SLC38A6: variants seen among roughly 807,000 people sequenced by gnomAD.
SLC38A6 encodes the protein solute carrier family 38 member 6.
A neutral mutation model predicts 65.0 loss-of-function variants in SLC38A6; 73 were observed. That is an observed-to-expected ratio of 1.12 (90% CI 0.93 to 1.37). The LOEUF is 1.37. Among genes scored for constraint, SLC38A6 ranks in the 40% most tolerant of loss-of-function variants. The pLI, the probability that SLC38A6 is intolerant of heterozygous loss-of-function variation, is 0.00. For synonymous variants in SLC38A6, 183 were observed against 178.8 expected, an observed-to-expected ratio of 1.02 and a Z score of -0.19; for missense variants, 561 against 531.1, an observed-to-expected ratio of 1.06 and a Z score of -0.55.
At chr14:61,045,581 C>G (rs2042089549) in intron 11 of SLC38A6, among the ~76,000 whole-genome samples, 156 bp downstream of exon 11, 1 of 152,040 alleles carries the variant, frequency 6.6e-6, no homozygotes, top group Admixed American at 6.6e-5. Context: ...TAGTTCTGTC[C>G]AAGTTAAGAA....
At chr14:61,068,346 A>T (rs1412355209) in intron 15 of SLC38A6, among the ~76,000 whole-genome samples, 1 of 152,094 alleles carries the variant, frequency 6.6e-6, no homozygotes, top group East Asian at 1.9e-4. Context: ...TTATATTGCT[A>T]CCCTGATTAA....
At chr14:61,010,774 T>C (rs1199495591) in intron 3 of SLC38A6, among the ~76,000 whole-genome samples, 14 of 152,204 alleles carry the variant, frequency 9.2e-5, no homozygotes, top group Non-Finnish European at 5.9e-5. Context: ...CGTGCTGTTT[T>C]GGTTACTGTA....
At chr14:61,040,586 G>A (rs373333734) in intron 8 of SLC38A6, among the ~76,000 whole-genome samples, 9 of 152,034 alleles carry the variant, frequency 5.9e-5, no homozygotes, top group African/African-American at 2.2e-4. Flanking sequence ...TGATCCGCCC[G>A]CCTGGGCCTC....
chr14:61,034,593 C>T (rs1214985193), intron 6 of SLC38A6, among the ~76,000 whole-genome samples: 2 of 152,098 alleles, frequency 1.3e-5, no homozygotes, highest in African/African-American at 4.8e-5. Flanking sequence ...TTGCCAGCTT[C>T]AGAAATTTGG....
intron 6 of SLC38A6, among the ~76,000 whole-genome samples, chr14:61,033,037 T>C (rs1289322305): frequency 1.3e-5 from 2 of 151,972 alleles, no homozygotes; most frequent in Non-Finnish European, 2.9e-5. Context: ...TTTCATGATA[T>C]ATCTATATAT....
At chr14:61,074,122 CA>C (rs1341894131) in intron 15 of SLC38A6, among the ~76,000 whole-genome samples, 1 of 152,102 alleles carries the variant, frequency 6.6e-6, no homozygotes, top group Non-Finnish European at 1.5e-5. Context: ...GTGGGAGAGT[CA>C]AAAATTGTAC....
At chr14:61,053,003 C>T (rs1243522199), downstream of SLC38A6, 1 of 152,054 alleles carries the variant, frequency 6.6e-6, no homozygotes, top group Non-Finnish European at 1.5e-5. Context: ...ACCCAGTACT[C>T]ATTAGTTACG....
At chr14:61,034,083 A>T (rs1483956479) in intron 6 of SLC38A6, 1 of 152,144 alleles carries the variant, frequency 6.6e-6, no homozygotes, top group Non-Finnish European at 1.5e-5. Flanking sequence ...AACATTCCAT[A>T]ACTGTGATTC....
intron 15 of SLC38A6, among the ~76,000 whole-genome samples, chr14:61,064,723 C>T (rs1052874031): frequency 8.6e-5 from 13 of 151,220 alleles, no homozygotes; most frequent in Admixed American, 1.3e-4. Context: ...TGGGCCTTCT[C>T]ATTATGGGCT....
chr14:60,990,694 G>A (rs913292670), intron 3 of SLC38A6, among the ~76,000 whole-genome samples: 7 of 151,866 alleles, frequency 4.6e-5, no homozygotes, highest in East Asian at 1.9e-4. Context: ...ATGTAGTGGC[G>A]TGAACATAGC....
At chr14:61,010,257 C>T (rs1441154495) in intron 3 of SLC38A6, among the ~76,000 whole-genome samples, 1 of 152,010 alleles carries the variant, frequency 6.6e-6, no homozygotes, top group Non-Finnish European at 1.5e-5. Flanking sequence ...TGTTTGAGTT[C>T]ATTGTAGATT....
intron 6 of SLC38A6, among the ~76,000 whole-genome samples, chr14:61,034,455 A>G (rs2041214426): frequency 6.6e-6 from 1 of 152,146 alleles, no homozygotes; most frequent in Non-Finnish European, 1.5e-5. Context: ...TACGAGAGAC[A>G]GCAAAACTAA....
chr14:61,080,471 A>G (rs2043599289), intron 16 of SLC38A6, among the ~76,000 whole-genome samples: 1 of 152,148 alleles, frequency 6.6e-6, no homozygotes, highest in Non-Finnish European at 1.5e-5. Context: ...TATATCTTAC[A>G]CTGCCTGTAC....
Position 61,070,680 on chromosome 14 carries a change from T to G in SLC38A6, c.1291-8130T>G, listed in dbSNP as rs1422001878. On this transcript the variant is annotated intron_variant, in intron 15 of 16. Coordinates refer to the SLC38A6 transcript ENST00000354886. ...CACTATTTTATGTTTCTATCAGCAG[T>G]GCACGAGGGTTCCAATTTCTCCATA... 2.0e-5 allele frequency among the ~76,000 whole-genome samples: 3 copies of G among 152,218 alleles called. No homozygotes were observed. The East Asian group carries it at 5.8e-4, about 29-fold the overall frequency.
chr14:61,052,201 AT>A, intron 15 of SLC38A6, 66 bp downstream of exon 15: 2 of 1,377,856 alleles, frequency 1.5e-6, no homozygotes, highest in Non-Finnish European at 9.8e-7. Flanking sequence ...AGTTTATATT[AT>A]TTTACCTGCA....
At chr14:61,022,773 C>T (rs969770833) in intron 5 of SLC38A6, among the ~76,000 whole-genome samples, 14 of 151,976 alleles carry the variant, frequency 9.2e-5, no homozygotes, top group Non-Finnish European at 1.9e-4. Context: ...AGGTCAAGCA[C>T]TCTACTAGAT....
In SLC38A6 at chr14:61,052,181, A is replaced by G. The variant is rs370243721; in HGVS notation, c.1290+46A>G. On this transcript the variant is annotated intron_variant, in intron 15 of 15. Transcript: ENST00000267488. ...TCTTTCAAGACTTCTATTTTAAGAA[A>G]TAGTTTGTCAGTTTATATTATTTTA... 1,209 of 1,452,414 alleles carry G rather than the reference A, an allele frequency of 8.3e-4. 8 individuals carry two copies. The highest frequency in any genetic ancestry group is 6.6e-3 in the South Asian group (485 of 73,950). 90.0% of individuals were successfully genotyped at this position (1,452,414 alleles called of 1,614,324 possible). A position where few individuals can be genotyped will look rare whatever the true frequency, so the allele number is the denominator to read the frequency against.
intron 1 of SLC38A6, among the ~76,000 whole-genome samples, chr14:60,982,013 A>C (rs139066812): frequency 1.0e-3 from 154 of 152,288 alleles, no homozygotes; most frequent in Non-Finnish European, 1.6e-3. Flanking sequence ...TCTGTTTATA[A>C]TATTGTCATT....
exon 17 of SLC38A6, chr14:61,083,597 C>T (rs8016782): frequency 0.03 from 46,578 of 1,550,446 alleles, 943 homozygotes; most frequent in South Asian, 0.07. Context: ...AAAGGCCACG[C>T]AAGGACACAG....
Sources: gnomAD v4.1 joint callset for allele counts (sites outside exome capture counted in the v4.1 genomes callset) on GRCh38, gnomAD v4.1.1 for gene constraint, MANE v1.5 for transcripts, NCBI Gene and HGNC (gene_info 2026-07-23, HGNC 2026-07-21) for gene names.